The following KMT2C variants were observed in gnomAD, a reference collection of about 807,000 sequenced individuals.
The protein encoded by KMT2C is lysine methyltransferase 2C, also known as histone-lysine N-methyltransferase 2C.
A neutral mutation model predicts 507.9 loss-of-function variants in KMT2C; 88 were observed. That is an observed-to-expected ratio of 0.17 (90% CI 0.15 to 0.21). The LOEUF is 0.21. KMT2C is among the 10% of genes least tolerant of loss of function. The pLI, the probability that KMT2C is intolerant of heterozygous loss-of-function variation, is 1.00. For synonymous variants in KMT2C, 2,049 were observed against 2,080.8 expected, an observed-to-expected ratio of 0.98 and a Z score of 0.42; for missense variants, 4,954 against 5,957.8, an observed-to-expected ratio of 0.83 and a Z score of 5.55.
intron 6 of KMT2C, among the ~76,000 whole-genome samples, chr7:152,295,391 T>A (rs1048172962): frequency 2.6e-5 from 4 of 152,156 alleles, no homozygotes; most frequent in African/African-American, 7.2e-5. Context: ...CCCTACTTAT[T>A]CTCCAGTCAT....
chr7:152,207,804 CTG>C (rs1248536014), intron 23 of KMT2C, among the ~76,000 whole-genome samples: 2 of 152,198 alleles, frequency 1.3e-5, no homozygotes, highest in African/African-American at 2.4e-5. Flanking sequence ...TTACTGAAAA[CTG>C]TATATCCAAA....
chr7:152,182,104 G>C lies in KMT2C; in HGVS notation c.5756C>G (p.Ser1919Cys). 6.2e-7 allele frequency: 1 copy of C among 1,614,234 alleles called. No individual in the cohort carries two copies. The highest frequency in any genetic ancestry group is 2.2e-5 in the East Asian group (1 of 44,890). The change falls in exon 36 of 59, where the codon TCT becomes TGT. Residue 1919 changes from serine to cysteine, a missense_variant. Coordinates refer to ENST00000262189, the MANE Select transcript of KMT2C (RefSeq NM_170606.3). ...TGTACAGTTTTCCACTGGTGCAGCA[G>C]AATTTCTTCTGGAAAAACTATGGCC... ...PVGHSFSRRN[S>C]AAPVENCTPL...
At chr7:152,157,687 A>T in intron 44 of KMT2C, 1 of 957,850 alleles carries the variant, frequency 1.0e-6, no homozygotes, top group Non-Finnish European at 1.3e-6. Flanking sequence ...AAATACAAAA[A>T]TAAGACAAGC....
At chr7:152,228,062 T>C (rs2094988842) in intron 18 of KMT2C, among the ~76,000 whole-genome samples, 1 of 152,232 alleles carries the variant, frequency 6.6e-6, no homozygotes, top group Admixed American at 6.5e-5. Context: ...TTTGCCTTTT[T>C]TCACTTTAAT....
chr7:152,322,093 G>A (rs1165986434), intron 3 of KMT2C, among the ~76,000 whole-genome samples: 1 of 151,668 alleles, frequency 6.6e-6, no homozygotes, highest in Non-Finnish European at 1.5e-5. Context: ...GACAGGCATG[G>A]TGGTTCACAC....
intron 54 of KMT2C, 75 bp downstream of exon 54, chr7:152,145,078 G>A: frequency 6.5e-7 from 1 of 1,539,226 alleles, no homozygotes; most frequent in Non-Finnish European, 8.8e-7. Flanking sequence ...GTAAGCAGCA[G>A]ACAAATCAAG....
chr7:152,181,439 C>G lies in KMT2C; in HGVS notation c.6421G>C (p.Val2141Leu), dbSNP rs2129119961. ...GAAGATTGGGAATAAGAATCTACAA[C>G]AGGTCGTGGAGTTCCTGGGGGTTGG... ...YSQPPGTPRP[V>L]VDSYSQSSGT... Residue 2141 changes from valine to leucine, a missense_variant, in exon 36 of 59, where the codon GTT becomes CTT. Coordinates refer to ENST00000262189, the MANE Select transcript of KMT2C (RefSeq NM_170606.3). The G allele has an allele frequency of 6.2e-7, 1 of 1,613,948 alleles. No individual in the cohort carries two copies. Among genetic ancestry groups the G allele is most frequent in the Middle Eastern group, 1.6e-4 (1 of 6,062 alleles).
At chr7:152,182,626 T>C (rs1353507281) in intron 35 of KMT2C, 32 bp from the exon 36 acceptor site, 6 of 1,513,650 alleles carry the variant, frequency 4.0e-6, no homozygotes, top group African/African-American at 1.4e-5. Flanking sequence ...AGCAATCATA[T>C]TTAGGTTAAG....
At chr7:152,206,113 G>A (rs1249128495) in intron 24 of KMT2C, among the ~76,000 whole-genome samples, 1 of 152,176 alleles carries the variant, frequency 6.6e-6, no homozygotes, top group East Asian at 1.9e-4. Flanking sequence ...AGGCAAAGCA[G>A]CTTCTCATAC....
chr7:152,351,567 T>C (rs562982750), intron 2 of KMT2C, among the ~76,000 whole-genome samples: 3 of 152,180 alleles, frequency 2.0e-5, no homozygotes, highest in African/African-American at 7.2e-5. Flanking sequence ...ACAGTAACAA[T>C]TGTAATATGC....
chr7:152,367,381 G>C (rs536419662), intron 1 of KMT2C: 2 of 697,794 alleles, frequency 2.9e-6, no homozygotes, highest in Admixed American at 2.3e-5. Flanking sequence ...GGCACCCCCG[G>C]CTGGCACCAG....
intron 14 of KMT2C, among the ~76,000 whole-genome samples, chr7:152,239,539 A>G (rs1440105574): frequency 5.3e-5 from 8 of 152,240 alleles, no homozygotes; most frequent in African/African-American, 1.7e-4. Flanking sequence ...TTTGCAAATT[A>G]AAATGCCTAA....
In KMT2C at chr7:152,148,616, C is replaced by T. The variant is rs149554388; in HGVS notation, c.13311G>A (p.Thr4437=). 1.4e-4 allele frequency: 228 copies of T among 1,614,194 alleles called. 1 individual carries two copies. Among genetic ancestry groups the T allele is most frequent in the African/African-American group, 4.5e-4 (34 of 75,046 alleles). The change falls in exon 52 of 59, where the codon ACG becomes ACA. Residue 4437 remains threonine (T), a synonymous_variant. Coordinates refer to ENST00000262189, the MANE Select transcript of KMT2C (RefSeq NM_170606.3). This position sits in a 1 kb window ranked among gnomAD's most constrained non-coding sequence, Gnocchi z 7.1. ...CACCAGCCTGAGTCTCATAGACCTC[C>T]GTGGACCACAGAGCGCAGTTCAAGT... ...WVHLNCALWS[T]EVYETQAGAL... is the part of the protein sequence containing the mutation.
chr7:152,368,766 G>A, intron 1 of KMT2C: 1 of 831,062 alleles, frequency 1.2e-6, no homozygotes, highest in Non-Finnish European at 1.9e-6. Flanking sequence ...CATCCATAAT[G>A]ATGGATTTAA....
At chr7:152,374,262 C>A (rs1207581184) in intron 1 of KMT2C, among the ~76,000 whole-genome samples, 3 of 151,562 alleles carry the variant, frequency 2.0e-5, no homozygotes, top group Non-Finnish European at 4.4e-5. Flanking sequence ...GTTGCAGTGA[C>A]CCGAGATTGC....
At chr7:152,348,599 TAAAA>T (rs201530125) in intron 2 of KMT2C, among the ~76,000 whole-genome samples, 2,489 of 48,954 alleles carry the variant, frequency 0.051, 108 homozygotes, top group African/African-American at 0.14. Context: ...AACTCTGTCT[TAAAA>T]AAAAAAAAAA....
intron 1 of KMT2C, among the ~76,000 whole-genome samples, chr7:152,399,406 G>C (rs2097557498): frequency 6.6e-6 from 1 of 151,900 alleles, no homozygotes; most frequent in Non-Finnish European, 1.5e-5. Context: ...AAAATTAATG[G>C]AAAGAGATCT....
chr7:152,151,186 G>C (rs2091590654), intron 50 of KMT2C, among the ~76,000 whole-genome samples, 179 bp from the exon 51 acceptor site: 1 of 152,168 alleles, frequency 6.6e-6, no homozygotes, highest in African/African-American at 2.4e-5. Flanking sequence ...AAAAATACAT[G>C]TATAAAACCA....
Position 152,151,529 on chromosome 7 carries a change from G to C in KMT2C, c.12579C>G (p.Leu4193=). Residue 4193 remains leucine, a synonymous_variant, in exon 50 of 59, where the codon CTC becomes CTG. Transcript: ENST00000262189. The stretch of plus-strand genomic sequence containing the variant: ...TACAATGACAACACCACTGTGGTCT[G>C]AGTGCTGCGCTTTCTGCAATACCAT... The part of the protein sequence containing the change: ...SSHGIAESAA[L]RPQWCCHCKV... 1 of 1,613,956 alleles carries C rather than the reference G, an allele frequency of 6.2e-7. No homozygotes were observed. The highest frequency in any genetic ancestry group is 1.3e-5 in the African/African-American group (1 of 75,046).
Sources: allele counts gnomAD v4.1 joint callset (sites outside exome capture counted in the v4.1 genomes callset), GRCh38; gene constraint gnomAD v4.1.1; non-coding constraint Gnocchi (gnomAD v3.1); transcripts MANE v1.5; gene names NCBI Gene and HGNC (gene_info 2026-07-23, HGNC 2026-07-21).